TEKT5: variants seen among roughly 807,000 people sequenced by gnomAD.
TEKT5 encodes tektin-5.
A neutral mutation model predicts 48.7 loss-of-function variants in TEKT5; 52 were observed. The ratio of observed to expected loss-of-function variants is 1.07; its 90% CI spans 0.86 to 1.35. The LOEUF (loss-of-function observed/expected upper bound fraction) is 1.35, where lower values mean the gene tolerates loss of function less well. Ranked by LOEUF, TEKT5 falls within the 40% of genes most tolerant of loss-of-function variation. The probability of loss-of-function intolerance (pLI) is 0.00; values close to 1 mark genes in which losing one functional copy is unlikely to be tolerated. For missense variants in TEKT5, 831 were observed against 641.6 expected (o/e 1.30, Z -3.19); for synonymous variants, 318 against 267.6 (o/e 1.19, Z -1.84).
At chr16:10,664,122 T>C (rs1259290842) in intron 5 of TEKT5, among the ~76,000 whole-genome samples, 1 of 152,198 alleles carries the variant, frequency 6.6e-6, no homozygotes, top group South Asian at 2.1e-4. Flanking sequence ...TTTAATTAAT[T>C]GTGTGTTTGC....
At chr16:10,629,350 A>C (rs1567222764) in intron 6 of TEKT5, among the ~76,000 whole-genome samples, 1 of 151,596 alleles carries the variant, frequency 6.6e-6, no homozygotes, top group African/African-American at 2.4e-5. Context: ...TCCCGGGTTC[A>C]AGCAATTCTC....
intron 5 of TEKT5, among the ~76,000 whole-genome samples, chr16:10,648,624 G>A (rs1217784784): frequency 1.3e-5 from 2 of 152,102 alleles, no homozygotes; most frequent in Admixed American, 6.5e-5. Flanking sequence ...GAGCCACCAC[G>A]CCCTGCCTGC....
intron 3 of TEKT5, among the ~76,000 whole-genome samples, chr16:10,688,303 G>C (rs1207043113): frequency 6.6e-6 from 1 of 152,224 alleles, no homozygotes; most frequent in African/African-American, 2.4e-5. Flanking sequence ...TGGGTAGCTT[G>C]CCTGCGATGT....
At chr16:10,647,631 GTCTCTTTCTTTGTTCACTT>G (rs60099170) in intron 5 of TEKT5, among the ~76,000 whole-genome samples, 11,372 of 151,570 alleles carry the variant, frequency 0.075, 471 homozygotes, top group African/African-American at 0.093. Context: ...AGCCCACCTT[GTCTCTTTCTTTGTTCACTT>G]TCTCCATTTC....
Position 10,636,811 on chromosome 16 carries a change from C to CATTATTATTATTATTATTATTATTATT in TEKT5, c.1087-894_1087-893insAATAATAATAATAATAATAATAATAAT, listed in dbSNP as rs143109867. ...AAACTCTGGATCTGTATGTATTTTC[C>CATTATTATTATTATTATTATTATTATT]ATTATTATTATTATTATTATTTTGA... On this transcript the variant is annotated intron_variant, in intron 5 of 6. Transcript: ENST00000283025. Among the ~76,000 whole-genome samples the CATTATTATTATTATTATTATTATTATT allele has an allele frequency of 2.3e-3, 337 of 147,168 alleles. 1 individual carries two copies. Among genetic ancestry groups the CATTATTATTATTATTATTATTATTATT allele is most frequent in the African/African-American group, 8.1e-3 (321 of 39,624 alleles).
At chr16:10,689,192 A>T in intron 3 of TEKT5, 61 bp downstream of exon 3, 1 of 1,438,604 alleles carries the variant, frequency 7.0e-7, no homozygotes, top group Non-Finnish European at 9.5e-7. Flanking sequence ...GTCCCCCAGA[A>T]ATCTGAGAGT....
intron 5 of TEKT5, among the ~76,000 whole-genome samples, chr16:10,658,313 A>G (rs1313285636): frequency 6.6e-6 from 1 of 152,214 alleles, no homozygotes; most frequent in Non-Finnish European, 1.5e-5. Context: ...GATTTGTGCA[A>G]GAATGTTCAA....
chr16:10,693,011 C>T (rs1899008676), intron 1 of TEKT5: 1 of 152,222 alleles, frequency 6.6e-6, no homozygotes, highest in East Asian at 1.9e-4. Context: ...TAAAAACTAT[C>T]CTAACTGAGC....
At chr16:10,674,074 TTAGG>T (rs1898598303) in intron 5 of TEKT5, among the ~76,000 whole-genome samples, 1 of 152,152 alleles carries the variant, frequency 6.6e-6, no homozygotes, top group Non-Finnish European at 1.5e-5. Context: ...CCCATTGCTC[TTAGG>T]TAGGAATCCA....
In TEKT5 at chr16:10,694,303, T is replaced by C. The variant is rs1240358096; in HGVS notation, c.564+7A>G. 5.1e-6 allele frequency: 8 copies of C among 1,581,634 alleles called. No homozygotes were observed. The highest frequency in any genetic ancestry group is 6.9e-6 in the Non-Finnish European group (8 of 1,163,426). The stretch of plus-strand genomic sequence containing the variant: ...AGCCACAGCCCTGTCCCCACCCCTG[T>C]ACTCACCTGCAATGGGCAGTTCACC... On this transcript the variant is annotated splice_region_variant and intron_variant, in intron 1 of 6. Transcript: ENST00000283025.
chr16:10,639,057 C>T (rs562185739), intron 5 of TEKT5, among the ~76,000 whole-genome samples: 1 of 152,332 alleles, frequency 6.6e-6, no homozygotes, highest in Admixed American at 6.5e-5. Flanking sequence ...GTAATCCCAA[C>T]ATTTTGGGAG....
chr16:10,666,629 G>T (rs148487316), intron 5 of TEKT5, among the ~76,000 whole-genome samples: 48 of 152,346 alleles, frequency 3.2e-4, no homozygotes, highest in African/African-American at 1.1e-3. Context: ...GCAGACTGCA[G>T]AGAGAGGGAA....
chr16:10,692,185 C>G (rs1200502637), intron 1 of TEKT5, among the ~76,000 whole-genome samples: 2 of 152,116 alleles, frequency 1.3e-5, no homozygotes, highest in African/African-American at 4.8e-5. Context: ...CAAAGCTGGA[C>G]TTTCCAGACA....
chr16:10,664,950 G>A (rs139662134), intron 5 of TEKT5, among the ~76,000 whole-genome samples: 36 of 152,316 alleles, frequency 2.4e-4, no homozygotes, highest in African/African-American at 8.4e-4. Context: ...ACTCCCATTT[G>A]ACAGAGGAAA....
intron 5 of TEKT5, among the ~76,000 whole-genome samples, chr16:10,666,146 C>G (rs940501084): frequency 6.6e-6 from 1 of 152,106 alleles, no homozygotes; most frequent in Non-Finnish European, 1.5e-5. Context: ...GAAGAACCAC[C>G]CTGTTTACCA....
At chr16:10,667,020 G>A (rs1408598363) in intron 5 of TEKT5, among the ~76,000 whole-genome samples, 6 of 132,120 alleles carry the variant, frequency 4.5e-5, no homozygotes, top group Non-Finnish European at 9.4e-5. Context: ...GTCTCACTCT[G>A]TTGCACAGGC....
At chr16:10,667,297 A>C (rs1898474112) in intron 5 of TEKT5, among the ~76,000 whole-genome samples, 3 of 152,036 alleles carry the variant, frequency 2.0e-5, no homozygotes, top group Non-Finnish European at 4.4e-5. Flanking sequence ...TTCCTTACGT[A>C]TGTTAAAGAT....
chr16:10,650,418 C>A lies in TEKT5; in HGVS notation c.1087-14500G>T, dbSNP rs147838746. 9.1e-3 allele frequency among the ~76,000 whole-genome samples: 1,384 copies of A among 151,790 alleles called. 18 individuals carry two copies. Among genetic ancestry groups the A allele is most frequent in the African/African-American group, 0.032 (1,314 of 41,428 alleles). ...GCCCGGTCCCCCTCCCATATCTTTACGGGGCCTGTCTGCAGCTTTTCCAGA... is the reference window on the plus strand; with the variant it reads ...GCCCGGTCCCCCTCCCATATCTTTAAGGGGCCTGTCTGCAGCTTTTCCAGA... On this transcript the variant is annotated intron_variant, in intron 5 of 6. Transcript: ENST00000283025.
intron 5 of TEKT5, among the ~76,000 whole-genome samples, chr16:10,653,825 G>A (rs982296666): frequency 1.3e-4 from 20 of 152,242 alleles, no homozygotes; most frequent in Non-Finnish European, 8.8e-5. Context: ...AGGCAGGAGA[G>A]TCACTTGAAC....
Sources: allele counts gnomAD v4.1 joint callset (sites outside exome capture counted in the v4.1 genomes callset), GRCh38; gene constraint gnomAD v4.1.1; transcripts MANE v1.5; gene names NCBI Gene and HGNC (gene_info 2026-07-23, HGNC 2026-07-21).